Variants in ZFHX3 observed in about 807,000 individuals in gnomAD.
ZFHX3 encodes zinc finger homeobox 3, also known as zinc finger homeobox protein 3.
ZFHX3 carries 42 observed loss-of-function variants against 279.1 expected under a neutral mutation model. That is an observed-to-expected ratio of 0.15 (90% CI 0.12 to 0.19). ZFHX3 has a LOEUF of 0.19. Among genes scored for constraint, ZFHX3 ranks in the 10% least tolerant of loss-of-function variants. ZFHX3 has a pLI of 1.00. For missense variants in ZFHX3, 4,981 were observed against 4,754.0 expected (o/e 1.05, Z -1.40); for synonymous variants, 2,293 against 1,957.8 (o/e 1.17, Z -4.52).
chr16:72,890,387 G>A (rs1470632575), intron 3 of ZFHX3, among the ~76,000 whole-genome samples: 1 of 152,118 alleles, frequency 6.6e-6, no homozygotes, highest in African/African-American at 2.4e-5. Flanking sequence ...CACCCCTGCA[G>A]AACTGTGAGT....
intron 1 of ZFHX3, among the ~76,000 whole-genome samples, chr16:73,028,761 T>A (rs970247379): frequency 6.7e-6 from 1 of 150,076 alleles, no homozygotes; most frequent in South Asian, 2.1e-4. Context: ...CCAGAAAAAG[T>A]GAGCAGGGGC....
chr16:73,653,845 T>C (rs1388811477), intron 2 of ZFHX3, among the ~76,000 whole-genome samples: 2 of 151,730 alleles, frequency 1.3e-5, no homozygotes, highest in African/African-American at 4.9e-5. Flanking sequence ...GAAAGAAATA[T>C]GAAGAATGAA....
chr16:73,754,218 A>T (rs1436369997), intron 1 of ZFHX3, among the ~76,000 whole-genome samples: 2 of 152,164 alleles, frequency 1.3e-5, no homozygotes, highest in Non-Finnish European at 2.9e-5. Context: ...TTCTACTCAA[A>T]AAACGTCCGC....
chr16:72,806,272 T>C (rs1353500541), intron 7 of ZFHX3, among the ~76,000 whole-genome samples: 2 of 152,148 alleles, frequency 1.3e-5, no homozygotes, highest in Non-Finnish European at 2.9e-5. Flanking sequence ...TGGAAACAAA[T>C]GTAGCTCAGA....
chr16:72,855,765 G>A (rs1336729382), intron 4 of ZFHX3, among the ~76,000 whole-genome samples: 2 of 152,140 alleles, frequency 1.3e-5, no homozygotes, highest in Middle Eastern at 3.2e-3. Context: ...ATTCCAGCAC[G>A]TGAAGAAGCT....
chr16:73,319,114 G>A lies in ZFHX3; in HGVS notation c.-1290-778C>T, dbSNP rs116568450. Among the ~76,000 whole-genome samples, 426 of 151,918 alleles carry A rather than the reference G, an allele frequency of 2.8e-3. 1 individual carries two copies. Among genetic ancestry groups the A allele is most frequent in the African/African-American group, 9.4e-3 (389 of 41,416 alleles). ...GGGAGGGGAGGGGAGGTGTGGAATG[G>A]GGGGGGCAGAGGACGCACAAGGACC... On this transcript the variant is annotated intron_variant, in intron 3 of 17. Coordinates refer to the ZFHX3 transcript ENST00000641206.
intron 1 of ZFHX3, among the ~76,000 whole-genome samples, chr16:73,767,125 T>C (rs1428371218): frequency 1.3e-5 from 2 of 151,904 alleles, no homozygotes; most frequent in Non-Finnish European, 2.9e-5. Flanking sequence ...TTAGTAGAGA[T>C]GGGGTTTCAC....
At chr16:73,383,162 T>C (rs1024682188) in intron 3 of ZFHX3, among the ~76,000 whole-genome samples, 2 of 152,218 alleles carry the variant, frequency 1.3e-5, no homozygotes, top group Non-Finnish European at 1.5e-5. Flanking sequence ...CTGCAAGTCA[T>C]TTGTCTGCAC....
intron 5 of ZFHX3, among the ~76,000 whole-genome samples, chr16:73,194,672 T>C (rs1968106701): frequency 6.6e-6 from 1 of 152,256 alleles, no homozygotes; most frequent in Non-Finnish European, 1.5e-5. Flanking sequence ...ATAAATCTTT[T>C]TCTTGAGTGG....
intron 2 of ZFHX3, among the ~76,000 whole-genome samples, chr16:73,661,078 G>T (rs1450769632): frequency 2.0e-5 from 3 of 152,144 alleles, no homozygotes; most frequent in Non-Finnish European, 4.4e-5. Flanking sequence ...TGTTCCTAAG[G>T]ATCTTCATTT....
At chr16:73,666,857 G>T (rs1264809894) in intron 2 of ZFHX3, among the ~76,000 whole-genome samples, 4 of 151,962 alleles carry the variant, frequency 2.6e-5, no homozygotes, top group African/African-American at 9.7e-5. Context: ...AATGGAATCT[G>T]CAGCATGGAG....
intron 2 of ZFHX3, among the ~76,000 whole-genome samples, chr16:73,631,898 T>TTCTCTCTCTCTCTCTCTCTCTC (rs139812596): frequency 7.7e-6 from 1 of 130,230 alleles, no homozygotes; most frequent in Non-Finnish European, 1.6e-5. Context: ...TAGAGTGGGA[T>TTCTCTCTCTCTCTCTCTCTCTC]TCTCTCTCTC....
Position 73,560,243 on chromosome 16 carries a change from C to CAGTTTACT in ZFHX3, c.-1546-103986_-1546-103985insAGTAAACT, listed in dbSNP as rs11281939. On this transcript the variant is annotated intron_variant, in intron 2 of 17. Coordinates refer to the ZFHX3 transcript ENST00000641206. ...GAGACCGCAATGTGCAAGAGATGCT[C>CAGTTTACT]ATTGCTAAGTAAATATCACACTAAA... 1.9e-3 allele frequency among the ~76,000 whole-genome samples: 282 copies of CAGTTTACT among 151,718 alleles called. 1 individual carries two copies. The highest frequency in any genetic ancestry group is 5.9e-3 in the African/African-American group (246 of 41,374).
chr16:73,160,139 T>TGG (rs1967193699), intron 5 of ZFHX3, among the ~76,000 whole-genome samples: 2 of 152,204 alleles, frequency 1.3e-5, no homozygotes, highest in African/African-American at 4.8e-5. Context: ...TGTTATGCAA[T>TGG]GGCAGTGCTC....
At chr16:73,541,198 C>T (rs1434112699) in intron 2 of ZFHX3, among the ~76,000 whole-genome samples, 2 of 152,196 alleles carry the variant, frequency 1.3e-5, no homozygotes, top group African/African-American at 4.8e-5. Context: ...CTCCTCTCCA[C>T]AGACCCCACG....
intron 2 of ZFHX3, among the ~76,000 whole-genome samples, chr16:72,956,241 T>C (rs1042759997): frequency 1.3e-5 from 2 of 152,180 alleles, no homozygotes; most frequent in Admixed American, 6.5e-5. Flanking sequence ...CCTGCAGTCA[T>C]CTAAGCCATC....
Position 72,958,688 on chromosome 16 carries a change from CTCCTCCTCTTCT to C in ZFHX3, c.1446_1457del (p.Glu484_Glu487del), listed in dbSNP as rs1352948934. On this transcript the variant is annotated inframe_deletion, in exon 2 of 10. Coordinates refer to ENST00000268489, the MANE Select transcript of ZFHX3 (RefSeq NM_006885.4). ...AGAGTCCTTTGCAACCCTCGTCTTC[CTCCTCCTCTTCT>C]TCCTCCTCCTCTTCTTCCTCCTCCT... is the stretch of plus-strand genomic sequence containing the variant. 4.3e-6 allele frequency: 7 copies of C among 1,611,198 alleles called. No individual in the cohort carries two copies. In the East Asian group the frequency reaches 1.1e-4, roughly 26 times the overall value.
chr16:72,879,668 C>T (rs1440106992), intron 4 of ZFHX3, among the ~76,000 whole-genome samples: 1 of 152,274 alleles, frequency 6.6e-6, no homozygotes, highest in South Asian at 2.1e-4. Context: ...TCTAGTGATC[C>T]GCCCGCCTCG....
intron 5 of ZFHX3, among the ~76,000 whole-genome samples, chr16:73,233,674 A>T (rs534820672): frequency 1.2e-4 from 19 of 152,272 alleles, no homozygotes; most frequent in African/African-American, 4.6e-4. Flanking sequence ...CAGTGTTCCA[A>T]ACACACATGA....
Sources: allele counts gnomAD v4.1 joint callset (sites outside exome capture counted in the v4.1 genomes callset), GRCh38; gene constraint gnomAD v4.1.1; transcripts MANE v1.5; gene names NCBI Gene and HGNC (gene_info 2026-07-23, HGNC 2026-07-21).